Variants in EPHA6 observed in about 807,000 individuals in gnomAD.
EPHA6 encodes ephrin type-A receptor 6.
In EPHA6, 50 loss-of-function variants were observed where a neutral mutation model predicts 112.0. That is an observed-to-expected ratio of 0.45 (90% CI 0.36 to 0.56). The LOEUF (loss-of-function observed/expected upper bound fraction) is 0.56, where lower values mean the gene tolerates loss of function less well. Among genes scored for constraint, EPHA6 ranks in the 20% least tolerant of loss-of-function variants. The probability of loss-of-function intolerance (pLI) is 0.00; values close to 1 mark genes in which losing one functional copy is unlikely to be tolerated. For missense variants in EPHA6, 1,280 were observed against 1,417.4 expected (o/e 0.90, Z 1.56); for synonymous variants, 529 against 490.7 (o/e 1.08, Z -1.03).
At chr3:97,271,718 T>C (rs1445288134) in intron 5 of EPHA6, among the ~76,000 whole-genome samples, 6 of 152,252 alleles carry the variant, frequency 3.9e-5, no homozygotes, top group African/African-American at 1.4e-4. Flanking sequence ...ATGCAATTTT[T>C]AAGTTTTTAT....
chr3:97,325,889 T>A lies in EPHA6; in HGVS notation c.1607-79261T>A, dbSNP rs189080557. Among the ~76,000 whole-genome samples the A allele has an allele frequency of 9.9e-5, 15 of 152,238 alleles. No individual in the cohort carries two copies. The East Asian group carries it at 2.9e-3, about 29-fold the overall frequency. ...TTTATCTGGAATTTTAACCTAGGAA[T>A]CTCCTATTTTCTATACTCTGCTTAT... On this transcript the variant is annotated intron_variant, in intron 5 of 17. Transcript: ENST00000389672.
At chr3:97,595,290 T>G (rs1433689587) in intron 12 of EPHA6, among the ~76,000 whole-genome samples, 1 of 152,216 alleles carries the variant, frequency 6.6e-6, no homozygotes, top group Non-Finnish European at 1.5e-5. Flanking sequence ...GAAAATTGAA[T>G]AGCAAGTTTA....
intron 1 of EPHA6, among the ~76,000 whole-genome samples, chr3:96,856,114 T>A (rs546415071): frequency 5.6e-4 from 85 of 151,990 alleles, no homozygotes; most frequent in Non-Finnish European, 7.4e-5. Context: ...ATGGTGCACA[T>A]CTGTAGTCCC....
At chr3:97,009,968 T>A (rs2044024330) in intron 3 of EPHA6, 2 of 673,202 alleles carry the variant, frequency 3.0e-6, no homozygotes, top group Non-Finnish European at 4.7e-6. Flanking sequence ...CGTTGAAGGA[T>A]TCACATGCTT....
intron 5 of EPHA6, among the ~76,000 whole-genome samples, chr3:97,307,627 A>C (rs544465549): frequency 9.3e-5 from 14 of 150,686 alleles, no homozygotes; most frequent in African/African-American, 3.4e-4. Context: ...TTTTTCTTTA[A>C]AGGTGATGTC....
chr3:97,333,065 C>T (rs564739931), intron 5 of EPHA6, among the ~76,000 whole-genome samples: 1 of 151,966 alleles, frequency 6.6e-6, no homozygotes, highest in Admixed American at 6.6e-5. Context: ...ACATATTTAC[C>T]ATGTTGAGTC....
chr3:97,110,057 C>T (rs1429898315), intron 3 of EPHA6, among the ~76,000 whole-genome samples: 1 of 152,042 alleles, frequency 6.6e-6, no homozygotes, highest in African/African-American at 2.4e-5. Context: ...TTTCTTGCCA[C>T]TTGGAGAATA....
intron 2 of EPHA6, among the ~76,000 whole-genome samples, chr3:96,892,748 T>G (rs1373480301): frequency 6.6e-6 from 1 of 152,180 alleles, no homozygotes; most frequent in Non-Finnish European, 1.5e-5. Context: ...TTCCATTCTC[T>G]CATGGGATGA....
In EPHA6 at chr3:97,306,975, C is replaced by T. The variant is rs575498019; in HGVS notation, c.1606+62688C>T. Among the ~76,000 whole-genome samples, 21 of 151,068 alleles carry T rather than the reference C, an allele frequency of 1.4e-4. No individual in the cohort carries two copies. The South Asian group carries it at 4.4e-3, about 31-fold the overall frequency. The stretch of plus-strand genomic sequence containing the variant: ...GTTACCTTATGTATTGATTTTATTT[C>T]CCTCCCTGTATTTTGTAAATAAAAT... On this transcript the variant is annotated intron_variant, in intron 5 of 17. Transcript: ENST00000389672.
At chr3:97,254,920 C>G (rs1486095060) in intron 5 of EPHA6, among the ~76,000 whole-genome samples, 1 of 152,170 alleles carries the variant, frequency 6.6e-6, no homozygotes, top group Admixed American at 6.5e-5. Context: ...CATCGTCACT[C>G]TTTGTAGACA....
chr3:97,160,183 A>G (rs956407685), intron 3 of EPHA6, among the ~76,000 whole-genome samples: 14 of 152,158 alleles, frequency 9.2e-5, no homozygotes, highest in Non-Finnish European at 2.9e-5. Flanking sequence ...TCTGACTGGT[A>G]TCTACAGAAC....
chr3:96,892,882 T>G (rs1375571394), intron 2 of EPHA6, among the ~76,000 whole-genome samples: 1 of 152,126 alleles, frequency 6.6e-6, no homozygotes, highest in Non-Finnish European at 1.5e-5. Flanking sequence ...TCTATGTATA[T>G]TCCAGTTTAT....
At chr3:97,253,842 T>C (rs1477773076) in intron 5 of EPHA6, among the ~76,000 whole-genome samples, 2 of 152,160 alleles carry the variant, frequency 1.3e-5, no homozygotes, top group Non-Finnish European at 2.9e-5. Context: ...GGCCATTGTC[T>C]ATCTATGAGT....
At chr3:97,279,856 C>T (rs557854763) in intron 5 of EPHA6, among the ~76,000 whole-genome samples, 50 of 152,146 alleles carry the variant, frequency 3.3e-4, no homozygotes, top group African/African-American at 1.2e-3. Context: ...ATTATATGCT[C>T]CCTAGCATTT....
At chr3:97,124,469 A>AAAAG (rs35225817) in intron 3 of EPHA6, among the ~76,000 whole-genome samples, 18,698 of 149,754 alleles carry the variant, frequency 0.12, 1,488 homozygotes, top group East Asian at 0.37. Flanking sequence ...TCTGTTTAAA[A>AAAAG]AAAGAAAGAA....
At chr3:97,282,388 G>A (rs2080316140) in intron 5 of EPHA6, among the ~76,000 whole-genome samples, 2 of 152,044 alleles carry the variant, frequency 1.3e-5, no homozygotes, top group African/African-American at 4.8e-5. Context: ...GCTGTTGGTG[G>A]GAATGTAAAT....
At position 97,420,028 on chromosome 3, in the gene EPHA6, A is replaced by G. The variant is rs1034581163; in HGVS notation, c.1731+14754A>G. 6.6e-5 allele frequency among the ~76,000 whole-genome samples: 10 copies of G among 152,306 alleles called. No individual in the cohort carries two copies. In the South Asian group the frequency reaches 1.9e-3, roughly 28 times the overall value. ...TAGAATACAGAGGAAAAGGAAAGGA[A>G]AAGCCTTCTGAAAAATGTCTTTTTT... is the stretch of plus-strand genomic sequence containing the variant. On this transcript the variant is annotated intron_variant, in intron 6 of 17. Coordinates refer to ENST00000389672, the MANE Select transcript of EPHA6 (RefSeq NM_001080448.3).
At chr3:97,310,151 CTCTT>C (rs1230989817) in intron 5 of EPHA6, among the ~76,000 whole-genome samples, 1 of 151,544 alleles carries the variant, frequency 6.6e-6, no homozygotes, top group Non-Finnish European at 1.5e-5. Flanking sequence ...CACAACTCCT[CTCTT>C]TCTACATTTT....
intron 3 of EPHA6, among the ~76,000 whole-genome samples, chr3:97,138,316 C>T (rs147811274): frequency 9.2e-5 from 14 of 152,324 alleles, no homozygotes; most frequent in Middle Eastern, 3.4e-3. Flanking sequence ...TCCCCCAAGG[C>T]TCTGCATCCT....
Sources: gnomAD v4.1 joint callset for allele counts (sites outside exome capture counted in the v4.1 genomes callset) on GRCh38, gnomAD v4.1.1 for gene constraint, MANE v1.5 for transcripts, NCBI Gene and HGNC (gene_info 2026-07-23, HGNC 2026-07-21) for gene names.